Variants in SLC24A4 observed in about 807,000 individuals in gnomAD.
The protein encoded by SLC24A4 is solute carrier family 24 member 4.
SLC24A4 carries 53 observed loss-of-function variants against 79.0 expected under a neutral mutation model. That is an observed-to-expected ratio of 0.67 (90% CI 0.54 to 0.84). SLC24A4 has a LOEUF of 0.84. Ranked by LOEUF, SLC24A4 falls within the 40% of genes least tolerant of loss-of-function variation. The pLI, the probability that SLC24A4 is intolerant of heterozygous loss-of-function variation, is 0.00. For missense variants in SLC24A4, 731 were observed against 822.0 expected (o/e 0.89, Z 1.35); for synonymous variants, 323 against 323.8 (o/e 1.00, Z 0.03).
At chr14:92,450,968 T>C (rs1893101619) in intron 10 of SLC24A4, 1 of 152,112 alleles carries the variant, frequency 6.6e-6, no homozygotes, top group Admixed American at 6.5e-5. Context: ...TGTGACTGTC[T>C]CCATCACTCT....
chr14:92,484,493 A>G (rs533590388), intron 13 of SLC24A4: 4 of 985,350 alleles, frequency 4.1e-6, no homozygotes, highest in South Asian at 9.4e-5. Context: ...GACTCCTGGT[A>G]CCGGCTTAGA....
Position 92,500,131 on chromosome 14 carries a change from C to A in SLC24A4, c.*6503C>A, listed in dbSNP as rs1045298676. 6.6e-6 allele frequency: 1 copy of A among 152,218 alleles called. No individual in the cohort carries two copies. Among genetic ancestry groups the A allele is most frequent in the Admixed American group, 6.5e-5 (1 of 15,286 alleles). The allele number at this position is 152,218 out of a possible 1,614,324, so 9.4% of individuals were successfully genotyped here. A position where few individuals can be genotyped will look rare whatever the true frequency, so the allele number is the denominator to read the frequency against. ...TGGATTACAAGCGTGAGCCACCGCG[C>A]CCCGCCAAGCAGTTGCTTCTTATGC... On this transcript the variant is annotated 3_prime_UTR_variant, in exon 17 of 17. Coordinates refer to ENST00000532405, the MANE Select transcript of SLC24A4 (RefSeq NM_153646.4).
intron 2 of SLC24A4, among the ~76,000 whole-genome samples, chr14:92,371,194 G>A (rs571723337): frequency 3.9e-5 from 6 of 152,312 alleles, no homozygotes; most frequent in Non-Finnish European, 8.8e-5. Context: ...AAACGGCTCC[G>A]ACACAGAAAG....
chr14:92,396,958 C>T (rs1230029752), intron 2 of SLC24A4, among the ~76,000 whole-genome samples: 1 of 152,170 alleles, frequency 6.6e-6, no homozygotes, highest in Non-Finnish European at 1.5e-5. Context: ...CTGATATGGA[C>T]AACACTTTGG....
At chr14:92,464,820 G>T (rs8019291) in intron 12 of SLC24A4, among the ~76,000 whole-genome samples, 23,019 of 152,216 alleles carry the variant, frequency 0.15, 1,867 homozygotes, top group Middle Eastern at 0.34. Context: ...AAGAAAAGCA[G>T]TGAAGCCATC....
At chr14:92,396,874 C>T (rs1348244171) in intron 2 of SLC24A4, among the ~76,000 whole-genome samples, 1 of 152,206 alleles carries the variant, frequency 6.6e-6, no homozygotes, top group African/African-American at 2.4e-5. Context: ...TGCACTCCCT[C>T]CCACAAGACT....
At chr14:92,400,263 A>AT (rs1198844800) in intron 2 of SLC24A4, among the ~76,000 whole-genome samples, 1 of 151,892 alleles carries the variant, frequency 6.6e-6, no homozygotes, top group Admixed American at 6.6e-5. Context: ...ACATGGTGAA[A>AT]CCCCGTCTCT....
At position 92,386,797 on chromosome 14, in the gene SLC24A4, G is replaced by A. The variant is rs550601773; in HGVS notation, c.242-47115G>A. Among the ~76,000 whole-genome samples the A allele has an allele frequency of 2.0e-4, 31 of 152,304 alleles. No individual in the cohort carries two copies. The South Asian group carries it at 4.8e-3, about 23-fold the overall frequency. Reference sequence around the variant, plus strand: ...GGATTTTGTGCAGGATGATTTGCCCGGCTGTGGCCTGGGCTGCTGGCCTGT... The same window carrying A: ...GGATTTTGTGCAGGATGATTTGCCCAGCTGTGGCCTGGGCTGCTGGCCTGT... On this transcript the variant is annotated intron_variant, in intron 2 of 16. Coordinates refer to ENST00000532405, the MANE Select transcript of SLC24A4 (RefSeq NM_153646.4).
intron 2 of SLC24A4, among the ~76,000 whole-genome samples, chr14:92,403,661 C>T (rs566025426): frequency 3.9e-5 from 6 of 151,960 alleles, no homozygotes; most frequent in Admixed American, 2.0e-4. Context: ...GTCTGTAACC[C>T]GGACCTCAGA....
intron 2 of SLC24A4, among the ~76,000 whole-genome samples, chr14:92,327,296 A>T (rs1773609918): frequency 6.6e-6 from 1 of 152,040 alleles, no homozygotes; most frequent in South Asian, 2.1e-4. Flanking sequence ...AAGTGCTGGG[A>T]TTCACTTGTC....
chr14:92,352,353 C>G (rs1886944269), intron 2 of SLC24A4, among the ~76,000 whole-genome samples: 1 of 152,120 alleles, frequency 6.6e-6, no homozygotes, highest in Admixed American at 6.5e-5. Context: ...TGCAAAGGCC[C>G]TGAGGCAGGG....
At chr14:92,352,704 C>T (rs573784164) in intron 2 of SLC24A4, among the ~76,000 whole-genome samples, 1 of 152,264 alleles carries the variant, frequency 6.6e-6, no homozygotes, top group East Asian at 1.9e-4. Flanking sequence ...TCTCCATCTG[C>T]CAAAAGTGAG....
At chr14:92,467,115 G>A (rs1595335221) in intron 12 of SLC24A4, among the ~76,000 whole-genome samples, 1 of 152,182 alleles carries the variant, frequency 6.6e-6, no homozygotes, top group Non-Finnish European at 1.5e-5. Context: ...AGCAGGGTCT[G>A]TTTGTGGCTC....
chr14:92,480,318 G>A (rs2149053), intron 12 of SLC24A4, among the ~76,000 whole-genome samples: 75,604 of 84,530 alleles, frequency 0.89, 34,569 homozygotes, highest in Non-Finnish European at 0.99. Context: ...ATGGAGTCTT[G>A]CTCTGTCGCC....
At chr14:92,333,086 A>G (rs1885569857) in intron 2 of SLC24A4, among the ~76,000 whole-genome samples, 1 of 152,076 alleles carries the variant, frequency 6.6e-6, no homozygotes, top group Admixed American at 6.6e-5. Flanking sequence ...CTTTATCCCC[A>G]ACTTCTGGGT....
chr14:92,371,832 T>C (rs1438800314), intron 2 of SLC24A4, among the ~76,000 whole-genome samples: 1 of 152,224 alleles, frequency 6.6e-6, no homozygotes, highest in Non-Finnish European at 1.5e-5. Flanking sequence ...ATTAGGTCTG[T>C]TCCATGGGTG....
Position 92,433,943 on chromosome 14 carries a change from C to T in SLC24A4, c.273C>T (p.Ser91=). The T allele has an allele frequency of 2.5e-6, 4 of 1,614,178 alleles. No individual in the cohort carries two copies. Among genetic ancestry groups the T allele is most frequent in the Non-Finnish European group, 3.4e-6 (4 of 1,180,036 alleles). The change falls in exon 3 of 17, where the codon TCC becomes TCT. Residue 91 remains serine, a synonymous_variant. Coordinates refer to ENST00000532405, the MANE Select transcript of SLC24A4 (RefSeq NM_153646.4). ...ACGAGTTCCCCACAGATCTGTTCTC[C>T]AATAAGGAGCGACAGCACGGAGCCG... ...AIHEFPTDLF[S]NKERQHGAVL... is the part of the protein sequence containing the mutation.
chr14:92,338,638 T>A (rs922424028), intron 2 of SLC24A4, among the ~76,000 whole-genome samples: 4 of 152,226 alleles, frequency 2.6e-5, no homozygotes, highest in African/African-American at 4.8e-5. Context: ...ACATGCCAAG[T>A]TCAGGGATGG....
At chr14:92,428,137 C>T (rs149106855) in intron 2 of SLC24A4, among the ~76,000 whole-genome samples, 47 of 152,244 alleles carry the variant, frequency 3.1e-4, no homozygotes, top group African/African-American at 1.1e-3. Flanking sequence ...AAGTGGGAAA[C>T]GGAATGATCA....
Sources: allele counts gnomAD v4.1 joint callset (sites outside exome capture counted in the v4.1 genomes callset), GRCh38; gene constraint gnomAD v4.1.1; transcripts MANE v1.5; gene names NCBI Gene and HGNC (gene_info 2026-07-23, HGNC 2026-07-21).